The following GRID2 variants were observed in gnomAD, a reference collection of about 807,000 sequenced individuals.
GRID2 encodes glutamate ionotropic receptor delta type subunit 2.
Under a neutral mutation model 114.8 loss-of-function variants are expected in GRID2, and 33 were observed. The observed-to-expected ratio is 0.29, with a 90% CI of 0.22 to 0.38. The LOEUF (loss-of-function observed/expected upper bound fraction) is 0.38. GRID2 is among the 10% of genes least tolerant of loss of function. GRID2 has a pLI of 1.00. For synonymous variants in GRID2, 505 were observed against 449.9 expected (o/e 1.12, Z -1.55); for missense variants, 1,184 against 1,257.7 (o/e 0.94, Z 0.89).
chr4:92,623,044 T>A (rs1730348650), intron 2 of GRID2, among the ~76,000 whole-genome samples: 1 of 151,720 alleles, frequency 6.6e-6, no homozygotes, highest in Admixed American at 6.6e-5. Flanking sequence ...AAAAACTTGT[T>A]TTCTAGAATT....
Position 93,160,264 on chromosome 4 carries a change from TGTACA to T in GRID2, c.736-47136_736-47132del, listed in dbSNP as rs1277143027. ...TATTAATTCCATAAAGCCTAAAATT[TGTACA>T]GTAATCAATATAGATAAGGTAATAT... On this transcript the variant is annotated intron_variant, in intron 4 of 15. Coordinates refer to ENST00000282020, the MANE Select transcript of GRID2 (RefSeq NM_001510.4). Among the ~76,000 whole-genome samples the T allele has an allele frequency of 2.0e-5, 3 of 151,918 alleles. No individual in the cohort carries two copies. In the East Asian group the frequency reaches 5.8e-4, roughly 29 times the overall value.
intron 1 of GRID2, among the ~76,000 whole-genome samples, chr4:92,450,373 A>C (rs1156405681): frequency 1.3e-5 from 2 of 152,044 alleles, no homozygotes; most frequent in African/African-American, 4.8e-5. Flanking sequence ...AAGAAGTAGA[A>C]ATCAAATGAT....
chr4:93,401,588 G>A (rs1280306027), intron 9 of GRID2, among the ~76,000 whole-genome samples: 3 of 152,046 alleles, frequency 2.0e-5, no homozygotes, highest in African/African-American at 7.2e-5. Flanking sequence ...CTATTTTAAA[G>A]AATACCTCCA....
At chr4:93,499,619 A>G (rs1300870786) in intron 12 of GRID2, among the ~76,000 whole-genome samples, 1 of 151,862 alleles carries the variant, frequency 6.6e-6, no homozygotes, top group Non-Finnish European at 1.5e-5. Flanking sequence ...CCCAGGCAGA[A>G]TTAGCCATTA....
chr4:93,371,647 A>G (rs1007380536), intron 8 of GRID2, among the ~76,000 whole-genome samples: 1 of 152,048 alleles, frequency 6.6e-6, no homozygotes, highest in South Asian at 2.1e-4. Context: ...TAGGAAAAAT[A>G]AATTATATAT....
At chr4:92,744,420 G>A (rs759372074) in intron 2 of GRID2, among the ~76,000 whole-genome samples, 9 of 151,320 alleles carry the variant, frequency 5.9e-5, no homozygotes, top group Non-Finnish European at 1.3e-4. Flanking sequence ...CCCGGGAGGC[G>A]GAGGTTGCAG....
chr4:92,921,876 T>C (rs1361764682), intron 2 of GRID2, among the ~76,000 whole-genome samples: 1 of 152,204 alleles, frequency 6.6e-6, no homozygotes, highest in Non-Finnish European at 1.5e-5. Flanking sequence ...TTCAAAGCTG[T>C]CATACGGGTA....
At chr4:93,523,528 A>G (rs1578184757) in intron 13 of GRID2, among the ~76,000 whole-genome samples, 1 of 152,192 alleles carries the variant, frequency 6.6e-6, no homozygotes, top group Non-Finnish European at 1.5e-5. Flanking sequence ...GCGCAGATCC[A>G]TATCAGTGAG....
chr4:92,712,222 A>G (rs1017436111), intron 2 of GRID2, among the ~76,000 whole-genome samples: 1 of 152,156 alleles, frequency 6.6e-6, no homozygotes, highest in African/African-American at 2.4e-5. Flanking sequence ...TAATTGGTAT[A>G]TGTATTTTGT....
intron 1 of GRID2, among the ~76,000 whole-genome samples, chr4:92,308,124 A>G (rs564009044): frequency 1.3e-5 from 2 of 152,170 alleles, no homozygotes; most frequent in Non-Finnish European, 2.9e-5. Flanking sequence ...CAGTCGTCCC[A>G]CACTCTTTAC....
rs374768766 is a variant in GRID2 at position 93,176,603 on chromosome 4, A to AGT, written c.736-30798_736-30797dup. Among the ~76,000 whole-genome samples, 635 of 152,338 alleles carry AGT rather than the reference A, an allele frequency of 4.2e-3. 8 individuals carry two copies. Among genetic ancestry groups the AGT allele is most frequent in the African/African-American group, 0.015 (612 of 41,596 alleles). On this transcript the variant is annotated intron_variant, in intron 4 of 15. Transcript: ENST00000282020. ...TCTAATGCACTTAGGATGTAACCGT[A>AGT]GTGTATCTAACAAAATCATATATTA...
intron 2 of GRID2, among the ~76,000 whole-genome samples, chr4:92,698,995 TTTC>T (rs1734547213): frequency 1.3e-5 from 2 of 152,262 alleles, no homozygotes; most frequent in Admixed American, 1.3e-4. Flanking sequence ...AACCAGTTGT[TTTC>T]TTATTTTGCA....
chr4:93,580,904 T>C (rs186761002), intron 13 of GRID2, among the ~76,000 whole-genome samples: 2 of 151,254 alleles, frequency 1.3e-5, no homozygotes, highest in East Asian at 3.9e-4. Context: ...ATTTAACTTC[T>C]GGGATACATG....
intron 1 of GRID2, among the ~76,000 whole-genome samples, chr4:92,348,837 T>A (rs1394804628): frequency 4.6e-5 from 7 of 152,080 alleles, no homozygotes; most frequent in Non-Finnish European, 7.4e-5. Flanking sequence ...CTCTGTGGAA[T>A]TATAGTAGAA....
chr4:92,305,569 G>A (rs1234086216), intron 1 of GRID2, among the ~76,000 whole-genome samples: 1 of 152,170 alleles, frequency 6.6e-6, no homozygotes, highest in Non-Finnish European at 1.5e-5. Context: ...AGCCGCGCAA[G>A]GCAGACAGCG....
intron 2 of GRID2, among the ~76,000 whole-genome samples, chr4:93,046,817 C>T (rs1371389559): frequency 6.6e-6 from 1 of 151,696 alleles, no homozygotes; most frequent in Non-Finnish European, 1.5e-5. Context: ...TAGTTGACTT[C>T]ATAAGAAATA....
chr4:93,436,773 A>T (rs1392813666), intron 10 of GRID2, among the ~76,000 whole-genome samples: 1 of 152,118 alleles, frequency 6.6e-6, no homozygotes, highest in Non-Finnish European at 1.5e-5. Flanking sequence ...TACATGAAGT[A>T]AAAATCAACA....
chr4:92,747,574 C>T (rs1737215165), intron 2 of GRID2, among the ~76,000 whole-genome samples: 1 of 151,990 alleles, frequency 6.6e-6, no homozygotes, highest in African/African-American at 2.4e-5. Context: ...ATAGCTATTG[C>T]CATTATCTTC....
chr4:93,282,452 G>T (rs1169331960), intron 8 of GRID2: 1 of 420,698 alleles, frequency 2.4e-6, no homozygotes, highest in Non-Finnish European at 4.7e-6. Context: ...TCTTATGGAA[G>T]AAAACATAAG....
Sources: gnomAD v4.1 joint callset for allele counts (sites outside exome capture counted in the v4.1 genomes callset) on GRCh38, gnomAD v4.1.1 for gene constraint, MANE v1.5 for transcripts, NCBI Gene and HGNC (gene_info 2026-07-23, HGNC 2026-07-21) for gene names.